TAFA4: variants seen among roughly 807,000 people sequenced by gnomAD.
The protein encoded by TAFA4 is chemokine-like protein TAFA-4.
A neutral mutation model predicts 21.1 loss-of-function variants in TAFA4; 20 were observed. That is an observed-to-expected ratio of 0.95 (90% CI 0.67 to 1.38). The LOEUF (loss-of-function observed/expected upper bound fraction) is 1.38, where lower values mean the gene tolerates loss of function less well. Ranked by LOEUF, TAFA4 falls within the 40% of genes most tolerant of loss-of-function variation. The pLI, the probability that TAFA4 is intolerant of heterozygous loss-of-function variation, is 0.00. For missense variants in TAFA4, 211 were observed against 180.9 expected, an observed-to-expected ratio of 1.17 and a Z score of -0.95; for synonymous variants, 71 against 67.4, an observed-to-expected ratio of 1.05 and a Z score of -0.26.
chr3:68,784,514 G>T (rs1299217696), intron 3 of TAFA4, among the ~76,000 whole-genome samples: 4 of 152,022 alleles, frequency 2.6e-5, no homozygotes, highest in African/African-American at 9.7e-5. Flanking sequence ...TTAAGGCGGT[G>T]CCTCTGGAGT....
intron 3 of TAFA4, among the ~76,000 whole-genome samples, chr3:68,829,379 T>C (rs1266566508): frequency 6.6e-6 from 1 of 152,238 alleles, no homozygotes; most frequent in African/African-American, 2.4e-5. Flanking sequence ...ACCTGGTTTA[T>C]TGACAGTTTT....
chr3:68,777,829 A>T (rs1216808609), intron 3 of TAFA4, among the ~76,000 whole-genome samples: 1 of 152,166 alleles, frequency 6.6e-6, no homozygotes, highest in Non-Finnish European at 1.5e-5. Flanking sequence ...CATTGTGTAC[A>T]ACTGCCTACA....
chr3:68,741,546 G>A (rs1702352462), intron 4 of TAFA4, among the ~76,000 whole-genome samples: 1 of 152,112 alleles, frequency 6.6e-6, no homozygotes, highest in Admixed American at 6.5e-5. Context: ...TGTAATCCCA[G>A]CACTTTGGGA....
At chr3:68,780,553 C>G (rs1480369444) in intron 3 of TAFA4, among the ~76,000 whole-genome samples, 1 of 152,214 alleles carries the variant, frequency 6.6e-6, no homozygotes, top group African/African-American at 2.4e-5. Flanking sequence ...ATTCCCTGCA[C>G]AAGCTCTCTC....
At chr3:68,807,466 T>G (rs1049016197) in intron 3 of TAFA4, among the ~76,000 whole-genome samples, 1 of 152,176 alleles carries the variant, frequency 6.6e-6, no homozygotes, top group African/African-American at 2.4e-5. Flanking sequence ...GCATTGTAGC[T>G]TGTCACAAGA....
Position 68,753,007 on chromosome 3 carries a change from T to C in TAFA4, c.142A>G (p.Ile48Val), listed in dbSNP as rs1395669665. The change falls in exon 4 of 6, where the codon ATC becomes GTC. Residue 48 changes from isoleucine (I) to valine (V), a missense_variant. Transcript: ENST00000295569. ...HLRGHAGHHQ[I>V]KQGTCEVVAV... ...ACCACCTCACAGGTCCCTTGCTTGA[T>C]TTGGTGGTGACCTAGTTGGTAATGG... 7 of 1,613,378 alleles carry C rather than the reference T, an allele frequency of 4.3e-6. No individual in the cohort carries two copies. Among genetic ancestry groups the C allele is most frequent in the Non-Finnish European group, 5.9e-6 (7 of 1,179,706 alleles).
At chr3:68,800,183 T>C (rs1703546360) in intron 3 of TAFA4, among the ~76,000 whole-genome samples, 1 of 152,096 alleles carries the variant, frequency 6.6e-6, no homozygotes, top group Non-Finnish European at 1.5e-5. Flanking sequence ...ACTTGAATTA[T>C]CCCAAAACCA....
At chr3:68,853,123 A>G (rs1454330219) in intron 3 of TAFA4, among the ~76,000 whole-genome samples, 11 of 152,228 alleles carry the variant, frequency 7.2e-5, no homozygotes, top group Admixed American at 6.5e-4. Flanking sequence ...TGATTCCTGA[A>G]TAAGTAAATT....
chr3:68,745,062 A>G (rs931497652), intron 4 of TAFA4, among the ~76,000 whole-genome samples: 1 of 152,238 alleles, frequency 6.6e-6, no homozygotes, highest in African/African-American at 2.4e-5. Flanking sequence ...GAAATGACAG[A>G]CGTAGAAGGA....
intron 3 of TAFA4, among the ~76,000 whole-genome samples, chr3:68,836,321 G>A (rs1391530067): frequency 6.6e-6 from 1 of 152,204 alleles, no homozygotes; most frequent in Non-Finnish European, 1.5e-5. Context: ...GCTGAGAAGA[G>A]AGTGGTGGCT....
chr3:68,822,100 A>G lies in TAFA4; in HGVS notation c.130+58630T>C, dbSNP rs541476991. Among the ~76,000 whole-genome samples, 557 of 152,300 alleles carry G rather than the reference A, an allele frequency of 3.7e-3. 3 individuals are homozygous for G. The highest frequency in any genetic ancestry group is 0.013 in the African/African-American group (541 of 41,562). On this transcript the variant is annotated intron_variant, in intron 3 of 5. Coordinates refer to ENST00000295569, the MANE Select transcript of TAFA4 (RefSeq NM_182522.5). ...AGCTACTTGTTTACTTGTGGCTGCC[A>G]CAGCTGTCTTTCTGAATTATCCAGT...
intron 3 of TAFA4, among the ~76,000 whole-genome samples, chr3:68,758,887 T>C (rs528139526): frequency 3.3e-5 from 5 of 152,156 alleles, no homozygotes; most frequent in African/African-American, 4.8e-5. Context: ...GATGTATACA[T>C]GGAGAAAAAG....
At chr3:68,853,476 G>A (rs1017925610) in intron 3 of TAFA4, among the ~76,000 whole-genome samples, 2 of 152,022 alleles carry the variant, frequency 1.3e-5, no homozygotes, top group African/African-American at 4.8e-5. Flanking sequence ...TTAAAACCCA[G>A]GCAAGTCCCA....
intron 4 of TAFA4, among the ~76,000 whole-genome samples, chr3:68,743,652 A>C (rs144177356): frequency 6.6e-6 from 1 of 151,882 alleles, no homozygotes; most frequent in East Asian, 1.9e-4. Context: ...TTGCAGCTTC[A>C]TGGAGCTGTG....
chr3:68,830,606 A>C (rs919244402), intron 3 of TAFA4, among the ~76,000 whole-genome samples: 2 of 152,138 alleles, frequency 1.3e-5, no homozygotes, highest in Non-Finnish European at 2.9e-5. Flanking sequence ...TTTTGCTTCC[A>C]ATTATGTGGT....
At chr3:68,793,028 G>A (rs1333747660) in intron 3 of TAFA4, among the ~76,000 whole-genome samples, 2 of 152,120 alleles carry the variant, frequency 1.3e-5, no homozygotes, top group Admixed American at 6.5e-5. Context: ...TCTCTTAATG[G>A]CAGGATTACA....
intron 3 of TAFA4, among the ~76,000 whole-genome samples, chr3:68,813,707 A>T (rs942616558): frequency 2.6e-5 from 4 of 152,188 alleles, no homozygotes; most frequent in Non-Finnish European, 4.4e-5. Context: ...CCAGGACCAG[A>T]TGGATTCACA....
chr3:68,783,673 CAGAGAG>C lies in TAFA4; in HGVS notation c.131-30661_131-30656del, dbSNP rs1163439201. On this transcript the variant is annotated intron_variant, in intron 3 of 5. Coordinates refer to ENST00000295569, the MANE Select transcript of TAFA4 (RefSeq NM_182522.5). ...AAGAAAAATCACAGACACACACACA[CAGAGAG>C]AGAGAGAGAGAGAGAGAGAGAGAGA... Among the ~76,000 whole-genome samples the C allele has an allele frequency of 6.8e-3, 583 of 86,168 alleles. 1 individual carries two copies. Among genetic ancestry groups the C allele is most frequent in the Middle Eastern group, 0.016 (3 of 192 alleles). The allele number at this position is 86,168 out of a possible 152,430, so 56.5% of individuals were successfully genotyped here. A position where few individuals can be genotyped will look rare whatever the true frequency, so the allele number is the denominator to read the frequency against.
chr3:68,841,041 G>A (rs1704649817), intron 3 of TAFA4, among the ~76,000 whole-genome samples: 1 of 152,150 alleles, frequency 6.6e-6, no homozygotes, highest in South Asian at 2.1e-4. Flanking sequence ...CTAAATAGAA[G>A]GTGATATTAA....
Sources: gnomAD v4.1 joint callset for allele counts (sites outside exome capture counted in the v4.1 genomes callset) on GRCh38, gnomAD v4.1.1 for gene constraint, MANE v1.5 for transcripts, NCBI Gene and HGNC (gene_info 2026-07-23, HGNC 2026-07-21) for gene names.